Variants in GUK1 observed in about 807,000 individuals in gnomAD.
The protein encoded by GUK1 is guanylate kinase 1.
GUK1 carries 18 observed loss-of-function variants against 25.2 expected under a neutral mutation model. The observed-to-expected ratio is 0.71, with a 90% CI of 0.49 to 1.06. The LOEUF (loss-of-function observed/expected upper bound fraction) is 1.06, where lower values mean the gene tolerates loss of function less well. GUK1 is among the 50% of genes least tolerant of loss of function. The probability of loss-of-function intolerance (pLI) is 0.00; values close to 1 mark genes in which losing one functional copy is unlikely to be tolerated. For synonymous variants in GUK1, 105 were observed against 117.6 expected (o/e 0.89, Z 0.69); for missense variants, 261 against 276.7 (o/e 0.94, Z 0.40).
chr1:228,146,084 C>T lies in GUK1; in HGVS notation c.154+17C>T, dbSNP rs765499109. On this transcript the variant is annotated intron_variant, in intron 4 of 8. Coordinates refer to ENST00000312726, the MANE Select transcript of GUK1 (RefSeq NM_000858.7). Reference sequence around the variant, plus strand: ...ACGGCAAAGGTGAGTGGGGTGGGGCCCTATGGCTGGAGCACCCCCAGTGTG... The same window carrying T: ...ACGGCAAAGGTGAGTGGGGTGGGGCTCTATGGCTGGAGCACCCCCAGTGTG... 1 of 1,588,516 alleles carries T rather than the reference C, an allele frequency of 6.3e-7. No individual in the cohort carries two copies. The highest frequency in any genetic ancestry group is 8.6e-7 in the Non-Finnish European group (1 of 1,156,994).
chr1:228,145,968 G>A (rs111913086), intron 3 of GUK1, 58 bp from the exon 3 acceptor site: 39 of 1,289,198 alleles, frequency 3.0e-5, no homozygotes, highest in South Asian at 4.8e-5. Context: ...CAAGGGAAAC[G>A]CTGGGTGGGG....
intron 7 of GUK1, among the ~76,000 whole-genome samples, 185 bp downstream of exon 6, chr1:228,147,884 A>C (rs2034478598): frequency 6.6e-6 from 1 of 151,612 alleles, no homozygotes; most frequent in Admixed American, 6.6e-5. Flanking sequence ...ACCCACCCCC[A>C]GTCACCAAGG....
In GUK1 at chr1:228,140,324, G is replaced by C. The variant is rs765162389; in HGVS notation, c.-207G>C. The C allele has an allele frequency of 3.3e-6, 5 of 1,529,118 alleles. No individual in the cohort carries two copies. Among genetic ancestry groups the C allele is most frequent in the East Asian group, 2.5e-5 (1 of 39,842 alleles). The allele number at this position is 1,529,118 out of a possible 1,614,324, so 94.7% of individuals were successfully genotyped here. On this transcript the variant is annotated 5_prime_UTR_variant, in exon 1 of 9. Transcript: ENST00000312726. ...CCGGATGCTGCGGCGCCCGCTGGCC[G>C]GGCTGGCTGCGGCCGCCCTGGGCCG...
intron 7 of GUK1, chr1:228,148,028 C>A (rs1222696541): frequency 3.5e-6 from 2 of 579,684 alleles, no homozygotes; most frequent in Non-Finnish European, 3.1e-6. Context: ...CATCCTCTTA[C>A]AGCTGTTGCC....
At chr1:228,145,329 C>T (rs1346408916) in intron 2 of GUK1, 182 bp from the exon 2 acceptor site, 6 of 566,070 alleles carry the variant, frequency 1.1e-5, no homozygotes, top group South Asian at 2.6e-5. Context: ...CTGTGCATGC[C>T]GGCCCTTCCA....
chr1:228,147,034 A>G (rs2124949577), intron 5 of GUK1, 96 bp downstream of exon 4: 2 of 846,192 alleles, frequency 2.4e-6, no homozygotes, highest in Non-Finnish European at 4.1e-6. Flanking sequence ...CACACCACCC[A>G]CCCCATGGTT....
chr1:228,143,893 G>A (rs2124936510), intron 2 of GUK1, among the ~76,000 whole-genome samples: 1 of 152,316 alleles, frequency 6.6e-6, no homozygotes, highest in Admixed American at 6.5e-5. Context: ...GGAGGGAGGA[G>A]TCTATCCCTT....
chr1:228,140,337 C>A lies in GUK1; in HGVS notation c.-194C>A. On this transcript the variant is annotated 5_prime_UTR_variant, in exon 1 of 9. Coordinates refer to ENST00000312726, the MANE Select transcript of GUK1 (RefSeq NM_000858.7). ...CGCCCGCTGGCCGGGCTGGCTGCGG[C>A]CGCCCTGGGCCGGGCCCCACCGGAC... 6.6e-7 allele frequency: 1 copy of A among 1,525,544 alleles called. No individual in the cohort carries two copies. The highest frequency in any genetic ancestry group is 1.4e-5 in the African/African-American group (1 of 71,012). The allele number at this position is 1,525,544 out of a possible 1,614,324, so 94.5% of individuals were successfully genotyped here.
intron 2 of GUK1, chr1:228,141,715 G>T (rs1435140262): frequency 3.0e-6 from 4 of 1,316,920 alleles, no homozygotes; most frequent in Non-Finnish European, 4.0e-6. Flanking sequence ...GGGCAGCATG[G>T]GAGCCCAGTC....
chr1:228,140,385 G>T, intron 1 of GUK1, 22 bp downstream of exon 1: 1 of 1,491,798 alleles, frequency 6.7e-7, no homozygotes, highest in Admixed American at 2.3e-5. Context: ...AAGCGCGATC[G>T]CGAGGGTGAC....
In GUK1 at chr1:228,141,263, C is replaced by G. The variant is rs59460700; in HGVS notation, c.-28C>G. The G allele has an allele frequency of 1.5e-3, 1,492 of 985,014 alleles. 15 individuals are homozygous for G. In the African/African-American group the frequency reaches 0.024, roughly 16 times the overall value. 61.0% of individuals were successfully genotyped at this position (985,014 alleles called of 1,614,324 possible). The stretch of plus-strand genomic sequence containing the variant: ...CTGGGGCCTTCACTCCTCTGTGGCT[C>G]TGGAAGAGCCCGATTTCCTCAGGAG... On this transcript the variant is annotated 5_prime_UTR_variant, in exon 2 of 9. Transcript: ENST00000312726.
At position 228,147,514 on chromosome 1, in the gene GUK1, C is replaced by G. The variant is rs775454042; in HGVS notation, c.360C>G (p.Ile120Met). 2 of 1,613,368 alleles carry G rather than the reference C, an allele frequency of 1.2e-6. No homozygotes were observed. The highest frequency in any genetic ancestry group is 2.2e-5 in the South Asian group (2 of 91,084). The change falls in exon 6 of 9, where the codon ATC (isoleucine) becomes ATG (methionine). Residue 120 changes from isoleucine to methionine, a missense_variant. Physicochemically the swap from Ile to Met is conservative, Grantham distance 10. Coordinates refer to ENST00000312726, the MANE Select transcript of GUK1 (RefSeq NM_000858.7). ...CCACCGATCTGCGGCCCATCTACATCTCTGTGCAGCCGCCTTCACTGCACG... is the reference window on the plus strand; with the variant it reads ...CCACCGATCTGCGGCCCATCTACATGTCTGTGCAGCCGCCTTCACTGCACG...
intron 2 of GUK1, among the ~76,000 whole-genome samples, chr1:228,143,440 A>T (rs2034174102): frequency 6.6e-6 from 1 of 152,210 alleles, no homozygotes; most frequent in South Asian, 2.1e-4. Context: ...CCATAATACC[A>T]TCAAGTCATA....
intron 2 of GUK1, among the ~76,000 whole-genome samples, chr1:228,143,798 G>T (rs112179347): frequency 0.018 from 2,666 of 152,296 alleles, 33 homozygotes; most frequent in African/African-American, 0.036. Flanking sequence ...CAAATTCTGC[G>T]GGTGGGAGAG....
chr1:228,140,227 C>T (rs1377810953), upstream of GUK1: 82 of 1,234,998 alleles, frequency 6.6e-5, no homozygotes, highest in Non-Finnish European at 8.8e-5. Context: ...CTCATGACGT[C>T]AGTCTCGCGC....
intron 3 of GUK1, 48 bp downstream of exon 2, chr1:228,145,672 G>T: frequency 6.3e-7 from 1 of 1,591,936 alleles, no homozygotes; most frequent in Non-Finnish European, 8.6e-7. Flanking sequence ...CAAGGCTGCT[G>T]AGTAGTCCTA....
chr1:228,145,989 C>T (rs201642075), intron 3 of GUK1, 37 bp from the exon 3 acceptor site: 54 of 1,555,640 alleles, frequency 3.5e-5, no homozygotes, highest in African/African-American at 5.4e-5. Flanking sequence ...CATTGGGCTC[C>T]GAGCAGCCCC....
At chr1:228,145,343 T>A (rs1571891299) in intron 2 of GUK1, 168 bp from the exon 2 acceptor site, 1 of 633,434 alleles carries the variant, frequency 1.6e-6, no homozygotes, top group African/African-American at 1.9e-5. Flanking sequence ...CCTTCCAACG[T>A]GGCAGAGCTC....
intron 2 of GUK1, among the ~76,000 whole-genome samples, chr1:228,144,098 ATGTG>A (rs1288851785): frequency 2.0e-5 from 3 of 151,938 alleles, no homozygotes; most frequent in South Asian, 4.2e-4. Flanking sequence ...GTGTGCATGC[ATGTG>A]TGTGTGTTTG....
Sources: gnomAD v4.1 joint callset for allele counts (sites outside exome capture counted in the v4.1 genomes callset) on GRCh38, gnomAD v4.1.1 for gene constraint, MANE v1.5 for transcripts, NCBI Gene and HGNC (gene_info 2026-07-23, HGNC 2026-07-21) for gene names.